The following TWSG1 variants were observed in gnomAD, a reference collection of about 807,000 sequenced individuals.
TWSG1 encodes the protein twisted gastrulation protein homolog 1.
TWSG1 carries 15 observed loss-of-function variants against 23.0 expected under a neutral mutation model. The ratio of observed to expected loss-of-function variants is 0.65; its 90% CI spans 0.44 to 1.00. The LOEUF is 1.00. Among genes scored for constraint, TWSG1 ranks in the 50% least tolerant of loss-of-function variants. The pLI is 0.00. For synonymous variants in TWSG1, 86 were observed against 92.8 expected, an observed-to-expected ratio of 0.93 and a Z score of 0.42; for missense variants, 242 against 278.7, an observed-to-expected ratio of 0.87 and a Z score of 0.94.
intron 4 of TWSG1, among the ~76,000 whole-genome samples, chr18:9,397,297 C>T (rs868706582): frequency 2.6e-5 from 4 of 152,138 alleles, no homozygotes; most frequent in South Asian, 2.1e-4. Flanking sequence ...TAATAGCACC[C>T]GTACCAAAAT....
chr18:9,382,446 C>A (rs1488775019), intron 3 of TWSG1, among the ~76,000 whole-genome samples: 2 of 151,954 alleles, frequency 1.3e-5, no homozygotes, highest in Non-Finnish European at 2.9e-5. Context: ...TCACTTGATC[C>A]CAGGAAGCGG....
At chr18:9,343,258 A>ATC (rs1349494825) in intron 2 of TWSG1, among the ~76,000 whole-genome samples, 10 of 134,922 alleles carry the variant, frequency 7.4e-5, no homozygotes, top group African/African-American at 1.7e-4. Flanking sequence ...ATATATATAT[A>ATC]TATCTTGTCC....
intron 2 of TWSG1, among the ~76,000 whole-genome samples, chr18:9,355,975 T>G (rs1331723068): frequency 6.6e-6 from 1 of 152,208 alleles, no homozygotes; most frequent in African/African-American, 2.4e-5. Flanking sequence ...AGACAATGGT[T>G]TTTTAGTCTT....
chr18:9,389,950 G>A (rs2040704241), intron 3 of TWSG1, among the ~76,000 whole-genome samples: 1 of 152,152 alleles, frequency 6.6e-6, no homozygotes, highest in Non-Finnish European at 1.5e-5. Flanking sequence ...ACACTATAGT[G>A]TAGTTTATTA....
At chr18:9,369,793 A>G (rs1000155242) in intron 3 of TWSG1, among the ~76,000 whole-genome samples, 2 of 152,132 alleles carry the variant, frequency 1.3e-5, no homozygotes, top group African/African-American at 2.4e-5. Context: ...AGCCTCCCAA[A>G]GCATTGGGAT....
rs2040755336 is a variant in TWSG1, at chr18:9,399,935, G to C, written c.*408G>C. 1 of 155,016 alleles carries C rather than the reference G, an allele frequency of 6.5e-6. No individual in the cohort carries two copies. Among genetic ancestry groups the C allele is most frequent in the Non-Finnish European group, 1.4e-5 (1 of 69,874 alleles). 9.6% of individuals were successfully genotyped at this position (155,016 alleles called of 1,614,324 possible). On this transcript the variant is annotated 3_prime_UTR_variant, in exon 5 of 5. Coordinates refer to ENST00000262120, the MANE Select transcript of TWSG1 (RefSeq NM_020648.6). ...CTTCATGTGCTACTGTTAGCACACT[G>C]AGTTTTTATAGTTGCACATCATTCC...
At chr18:9,380,814 T>C (rs2040652584) in intron 3 of TWSG1, among the ~76,000 whole-genome samples, 1 of 152,198 alleles carries the variant, frequency 6.6e-6, no homozygotes, top group Non-Finnish European at 1.5e-5. Context: ...GTAGTGAGAT[T>C]TTTATGTTTA....
At chr18:9,358,741 A>G (rs1203060789) in intron 2 of TWSG1, among the ~76,000 whole-genome samples, 2 of 152,220 alleles carry the variant, frequency 1.3e-5, no homozygotes, top group African/African-American at 4.8e-5. Flanking sequence ...TTGATGGAAC[A>G]CTATAGAAGC....
At chr18:9,368,551 G>A (rs1015737602) in intron 3 of TWSG1, among the ~76,000 whole-genome samples, 3 of 152,220 alleles carry the variant, frequency 2.0e-5, no homozygotes, top group South Asian at 2.1e-4. Flanking sequence ...AGTGGCTCAC[G>A]TCTGTAATTC....
intron 3 of TWSG1, among the ~76,000 whole-genome samples, chr18:9,385,961 G>A (rs2040681231): frequency 6.6e-6 from 1 of 152,076 alleles, no homozygotes; most frequent in African/African-American, 2.4e-5. Flanking sequence ...CTGAGGTCAG[G>A]AGTTCGAGAC....
intron 3 of TWSG1, among the ~76,000 whole-genome samples, chr18:9,366,874 A>G (rs2040581386): frequency 6.6e-6 from 1 of 152,240 alleles, no homozygotes; most frequent in African/African-American, 2.4e-5. Flanking sequence ...GAATGGCTAC[A>G]TAGAGCTAAT....
intron 3 of TWSG1, among the ~76,000 whole-genome samples, chr18:9,394,087 G>C (rs1339529577): frequency 6.6e-6 from 1 of 152,148 alleles, no homozygotes; most frequent in Non-Finnish European, 1.5e-5. Context: ...GTATATCGAA[G>C]AGACATCTGC....
At position 9,400,201 on chromosome 18, in the gene TWSG1, CA is replaced by C. The variant is rs2040756460; in HGVS notation, c.*677del. ...CCTATTCTCTTCCATTTCCCCTGCCCAAAGTGCTGACATAGGCAGTGATGAA... is the reference window on the plus strand; with the variant it reads ...CCTATTCTCTTCCATTTCCCCTGCCCAAGTGCTGACATAGGCAGTGATGAA... On this transcript the variant is annotated 3_prime_UTR_variant, in exon 5 of 5. Transcript: ENST00000262120. 1 of 152,156 alleles carries C rather than the reference CA, an allele frequency of 6.6e-6. No homozygotes were observed. The allele number at this position is 152,156 out of a possible 1,614,324, so 9.4% of individuals were successfully genotyped here. A position where few individuals can be genotyped will look rare whatever the true frequency, so the allele number is the denominator to read the frequency against.
In TWSG1 at chr18:9,401,392, G is replaced by T. The variant is rs1286036853; in HGVS notation, c.*1865G>T. 2 of 151,740 alleles carry T rather than the reference G, an allele frequency of 1.3e-5. No individual in the cohort carries two copies. The highest frequency in any genetic ancestry group is 3.8e-4 in the East Asian group (2 of 5,196). The allele number at this position is 151,740 out of a possible 1,614,324, so 9.4% of individuals were successfully genotyped here. On this transcript the variant is annotated 3_prime_UTR_variant, in exon 5 of 5. Transcript: ENST00000262120. ...CTACTGTGAGTGGAGTGATGTTTGT[G>T]TGTGTGTTGGCAACATGCCTAATGT...
intron 2 of TWSG1, among the ~76,000 whole-genome samples, chr18:9,347,759 T>C (rs1231408292): frequency 6.6e-6 from 1 of 152,158 alleles, no homozygotes; most frequent in Non-Finnish European, 1.5e-5. Context: ...ATTTTAGCAA[T>C]AACTTTTACA....
At chr18:9,358,086 G>A (rs570165673) in intron 2 of TWSG1, among the ~76,000 whole-genome samples, 3 of 152,234 alleles carry the variant, frequency 2.0e-5, no homozygotes, top group Admixed American at 2.0e-4. Flanking sequence ...ATCTCCAACT[G>A]ATAATAGTAT....
At chr18:9,383,858 G>T (rs1353331505) in intron 3 of TWSG1, among the ~76,000 whole-genome samples, 2 of 152,124 alleles carry the variant, frequency 1.3e-5, no homozygotes, top group African/African-American at 4.8e-5. Context: ...AATGACAGTG[G>T]GTCCAGTGGT....
intron 3 of TWSG1, among the ~76,000 whole-genome samples, chr18:9,388,676 A>G (rs73383438): frequency 0.041 from 6,200 of 152,222 alleles, 418 homozygotes; most frequent in African/African-American, 0.14. Context: ...ACTGCCCCCA[A>G]ATTGTTTTGA....
At chr18:9,344,490 C>CGTGTGT (rs1491456878) in intron 2 of TWSG1, among the ~76,000 whole-genome samples, 6,376 of 111,674 alleles carry the variant, frequency 0.057, 711 homozygotes, top group East Asian at 0.36. Context: ...TTAGTGAATG[C>CGTGTGT]ATGTGTGTGT....
Sources: allele counts gnomAD v4.1 joint callset (sites outside exome capture counted in the v4.1 genomes callset), GRCh38; gene constraint gnomAD v4.1.1; transcripts MANE v1.5; gene names NCBI Gene and HGNC (gene_info 2026-07-23, HGNC 2026-07-21).